N4BP2L1: variants seen among roughly 807,000 people sequenced by gnomAD.
The protein encoded by N4BP2L1 is NEDD4-binding protein 2-like 1.
A neutral mutation model predicts 21.2 loss-of-function variants in N4BP2L1; 12 were observed. The ratio of observed to expected loss-of-function variants is 0.57; its 90% CI spans 0.36 to 0.92. The LOEUF is 0.92. Ranked by LOEUF, N4BP2L1 falls within the 40% of genes least tolerant of loss-of-function variation. N4BP2L1 has a pLI of 0.01. For synonymous variants in N4BP2L1, 104 were observed against 112.8 expected (o/e 0.92, Z 0.49); for missense variants, 259 against 310.6 (o/e 0.83, Z 1.25).
At position 32,403,006 on chromosome 13, in the gene N4BP2L1, GC is replaced by G. The variant is rs1188337721; in HGVS notation, c.667del (p.Ala223ProfsTer33). ...GCTCTCATTTGTAAATCCACCGTGG[GC>G]CCTCCGGTTTGGAAACTCTGTGTAG... is the stretch of plus-strand genomic sequence containing the variant. ...NSYTEFPNRRAHGGFTNESSY... is the reference protein window; with the variant it reads ...NSYTEFPNRRXHGGFTNESSY... On this transcript the variant is annotated frameshift_variant, in exon 5 of 5. Transcript: ENST00000380130. LOFTEE classifies it high-confidence loss of function. 2 of 1,613,994 alleles carry G rather than the reference GC, an allele frequency of 1.2e-6. No individual in the cohort carries two copies. The highest frequency in any genetic ancestry group is 1.7e-6 in the Non-Finnish European group (2 of 1,180,016).
intron 1 of N4BP2L1, among the ~76,000 whole-genome samples, chr13:32,424,096 T>G (rs1232729561): frequency 6.6e-6 from 1 of 152,136 alleles, no homozygotes; most frequent in Non-Finnish European, 1.5e-5. Flanking sequence ...AATGAAAGGG[T>G]CTTGGCATTA....
In N4BP2L1 at chr13:32,403,123, CTG is replaced by C. The variant is rs1566276589; in HGVS notation, c.549_550del (p.His183GlnfsTer19). On this transcript the variant is annotated frameshift_variant, in exon 5 of 5. Transcript: ENST00000380130. LOFTEE classifies it low-confidence loss of function (END_TRUNC). The stretch of plus-strand genomic sequence containing the variant: ...GCTTGGCTTTTCTGCATGAAGCACA[CTG>C]TGAAAAGTAACATCGTGTTCATACC... The C allele has an allele frequency of 1.2e-6, 2 of 1,614,106 alleles. No individual in the cohort carries two copies. The highest frequency in any genetic ancestry group is 1.7e-6 in the Non-Finnish European group (2 of 1,180,014).
rs530663711 is a variant in N4BP2L1, at chr13:32,409,641, G to GA, written c.180-1870dup. On this transcript the variant is annotated intron_variant, in intron 1 of 4. Transcript: ENST00000380130. ...GGCACAGCCAGCGCAGCGCACAGAG[G>GA]AAAAAGCTGGCCCAGCAAAGCGCTG... Among the ~76,000 whole-genome samples, 21 of 152,302 alleles carry GA rather than the reference G, an allele frequency of 1.4e-4. 1 individual carries two copies. The highest frequency in any genetic ancestry group is 2.9e-4 in the Non-Finnish European group (20 of 68,016).
intron 1 of N4BP2L1, among the ~76,000 whole-genome samples, chr13:32,424,440 C>A (rs1164084857): frequency 6.6e-6 from 1 of 152,264 alleles, no homozygotes; most frequent in South Asian, 2.1e-4. Context: ...CCACTCCCCA[C>A]TGGCCCTTAC....
At position 32,402,507 on chromosome 13, in the gene N4BP2L1, A is replaced by T. The variant is rs1156805525; in HGVS notation, c.*435T>A. The T allele has an allele frequency of 1.1e-5, 3 of 280,668 alleles. No homozygotes were observed. The highest frequency in any genetic ancestry group is 1.3e-5 in the Non-Finnish European group (3 of 236,858). The allele number at this position is 280,668 out of a possible 1,614,324, so 17.4% of individuals were successfully genotyped here. On this transcript the variant is annotated 3_prime_UTR_variant, in exon 5 of 5. Coordinates refer to ENST00000380130, the MANE Select transcript of N4BP2L1 (RefSeq NM_052818.3). Reference sequence around the variant, plus strand: ...TTATCAAAGTAGCAATGGCACTTTGATAAGTAGCAATGCCCCCCCACCACT... The same window carrying T: ...TTATCAAAGTAGCAATGGCACTTTGTTAAGTAGCAATGCCCCCCCACCACT...
At chr13:32,428,339 C>A (rs2074915232), upstream of N4BP2L1, 1 of 336,360 alleles carries the variant, frequency 3.0e-6, no homozygotes. Flanking sequence ...ACCCCCGCTC[C>A]GCCTCCTGGT....
rs116044563 is a variant in N4BP2L1, at chr13:32,423,967, G to A, written c.179+3937C>T. On this transcript the variant is annotated intron_variant, in intron 1 of 4. Transcript: ENST00000380130. ...CGGAAGGCATTTTAACACACACAGT[G>A]GAAAGCACAGAGGTTCACCCATGGA... 6.7e-3 allele frequency among the ~76,000 whole-genome samples: 1,021 copies of A among 152,326 alleles called. 9 individuals are homozygous for A. The highest frequency in any genetic ancestry group is 0.023 in the African/African-American group (972 of 41,564).
chr13:32,417,717 A>G (rs2074230762), intron 1 of N4BP2L1, among the ~76,000 whole-genome samples: 1 of 152,174 alleles, frequency 6.6e-6, no homozygotes, highest in Non-Finnish European at 1.5e-5. Flanking sequence ...GGAACTTCCT[A>G]GAGATTTGTT....
At position 32,402,924 on chromosome 13, in the gene N4BP2L1, T is replaced by G. The variant is rs1311617161; in HGVS notation, c.*18A>C. On this transcript the variant is annotated 3_prime_UTR_variant, in exon 5 of 5. Coordinates refer to ENST00000380130, the MANE Select transcript of N4BP2L1 (RefSeq NM_052818.3). ...GAAACTGACTTAGGAAAATTCTGCC[T>G]GGCTGTAAGATAGGCCTCTAATATC... The G allele has an allele frequency of 1.2e-5, 18 of 1,533,470 alleles. No individual in the cohort carries two copies. Among genetic ancestry groups the G allele is most frequent in the Non-Finnish European group, 1.6e-5 (18 of 1,138,742 alleles). The allele number at this position is 1,533,470 out of a possible 1,614,324, so 95.0% of individuals were successfully genotyped here. A position where few individuals can be genotyped will look rare whatever the true frequency, so the allele number is the denominator to read the frequency against.
chr13:32,403,025 CTG>C lies in N4BP2L1; in HGVS notation c.647_648del (p.Thr216ArgfsTer14). On this transcript the variant is annotated frameshift_variant, in exon 5 of 5. Transcript: ENST00000380130. LOFTEE classifies it low-confidence loss of function (END_TRUNC). ...SNNARYWNSY[T>X]EFPNRRAHGG... ...CCGTGGGCCCTCCGGTTTGGAAACTCTGTGTAGGAATTCCAGTATCTGGCATT... is the reference window on the plus strand; with the variant it reads ...CCGTGGGCCCTCCGGTTTGGAAACTCTGTAGGAATTCCAGTATCTGGCATT... 2 of 1,614,136 alleles carry C rather than the reference CTG, an allele frequency of 1.2e-6. No homozygotes were observed. The highest frequency in any genetic ancestry group is 1.7e-6 in the Non-Finnish European group (2 of 1,180,026).
At chr13:32,426,324 T>C (rs555052762) in intron 1 of N4BP2L1, among the ~76,000 whole-genome samples, 2 of 152,308 alleles carry the variant, frequency 1.3e-5, no homozygotes, top group South Asian at 4.1e-4. Flanking sequence ...CAGAAGATAC[T>C]TGGTTGGTAA....
chr13:32,403,165 T>C lies in N4BP2L1; in HGVS notation c.509A>G (p.His170Arg), dbSNP rs2137707387. The C allele has an allele frequency of 1.2e-6, 2 of 1,609,604 alleles. No homozygotes were observed. Among genetic ancestry groups the C allele is most frequent in the South Asian group, 1.1e-5 (1 of 90,254 alleles). Residue 170 changes from histidine to arginine, a missense_variant, in exon 5 of 5, where the codon CAC becomes CGC. Physicochemically the swap from His to Arg is conservative, Grantham distance 29. This residue lies in a region of N4BP2L1 where 108 missense variants were observed against 107.8 expected (regional missense o/e 1.00). Transcript: ENST00000380130. ...NIHGVSREKI[H>R]RMKERYEHDV... ...GTGTTCATACCGTTCTTTCATTCGG[T>C]GGATTTTTTCTCTTGAGACACCATG...
chr13:32,425,062 G>A (rs913845776), intron 1 of N4BP2L1: 6 of 152,140 alleles, frequency 3.9e-5, no homozygotes, highest in Admixed American at 6.5e-5. Context: ...ATACATATTC[G>A]TTATAGAAAA....
chr13:32,428,162 C>G (rs1246757193), upstream of N4BP2L1: 1 of 1,342,190 alleles, frequency 7.5e-7, no homozygotes, highest in Non-Finnish European at 9.7e-7. Flanking sequence ...GTTTTTGTGA[C>G]TCTCCGGCCA....
At position 32,402,520 on chromosome 13, in the gene N4BP2L1, C is replaced by G. The variant is rs1401600651; in HGVS notation, c.*422G>C. ...AATGGCACTTTGATAAGTAGCAATG[C>G]CCCCCCACCACTTCTCTCCACCTTC... On this transcript the variant is annotated 3_prime_UTR_variant, in exon 5 of 5. Coordinates refer to ENST00000380130, the MANE Select transcript of N4BP2L1 (RefSeq NM_052818.3). The G allele has an allele frequency of 5.6e-5, 16 of 286,146 alleles. No individual in the cohort carries two copies. The highest frequency in any genetic ancestry group is 6.4e-5 in the Non-Finnish European group (15 of 234,474). 17.7% of individuals were successfully genotyped at this position (286,146 alleles called of 1,614,324 possible). A position where few individuals can be genotyped will look rare whatever the true frequency, so the allele number is the denominator to read the frequency against.
rs1293913251 is a variant in N4BP2L1, at chr13:32,401,514, T to TA, written c.*1427dup. 6.6e-6 allele frequency: 1 copy of TA among 152,226 alleles called. No homozygotes were observed. Among genetic ancestry groups the TA allele is most frequent in the Non-Finnish European group, 1.5e-5 (1 of 68,036 alleles). 9.4% of individuals were successfully genotyped at this position (152,226 alleles called of 1,614,324 possible). ...TCGAGCAGGTTTCAGTAGTGTCAGA[T>TA]AACGTTAAAACAGTCTCATGTACAC... On this transcript the variant is annotated 3_prime_UTR_variant, in exon 5 of 5. Coordinates refer to ENST00000380130, the MANE Select transcript of N4BP2L1 (RefSeq NM_052818.3).
rs1345819005 is a variant in N4BP2L1, at chr13:32,401,710, AAG to A, written c.*1230_*1231del. On this transcript the variant is annotated 3_prime_UTR_variant, in exon 5 of 5. Coordinates refer to ENST00000380130, the MANE Select transcript of N4BP2L1 (RefSeq NM_052818.3). ...AATTTTTTTATTGTTGAACCAAAAAAAGATCCAATGACAAATCCATATAAATG... is the reference window on the plus strand; with the variant it reads ...AATTTTTTTATTGTTGAACCAAAAAAATCCAATGACAAATCCATATAAATG... The A allele has an allele frequency of 6.2e-6, 1 of 162,322 alleles. No individual in the cohort carries two copies. The highest frequency in any genetic ancestry group is 2.4e-5 in the African/African-American group (1 of 41,614). 10.1% of individuals were successfully genotyped at this position (162,322 alleles called of 1,614,324 possible). A position where few individuals can be genotyped will look rare whatever the true frequency, so the allele number is the denominator to read the frequency against.
intron 1 of N4BP2L1, among the ~76,000 whole-genome samples, 183 bp downstream of exon 1, chr13:32,427,721 G>A (rs552440827): frequency 6.6e-6 from 1 of 151,990 alleles, no homozygotes; most frequent in African/African-American, 2.4e-5. Flanking sequence ...GGTCGAGGGA[G>A]GCGGCTCGGG....
Position 32,405,080 on chromosome 13 carries a change from AG to A in N4BP2L1, c.397-684del, listed in dbSNP as rs1476589942. Among the ~76,000 whole-genome samples, 4 of 152,198 alleles carry A rather than the reference AG, an allele frequency of 2.6e-5. No homozygotes were observed. The East Asian group carries it at 7.7e-4, about 29-fold the overall frequency. ...ATAGAGTGGAAAGAGCTAAGCAAAA[AG>A]GTTTCCTTTTCATTCTTGAGATGGG... On this transcript the variant is annotated intron_variant, in intron 3 of 4. Transcript: ENST00000380130.
Sources: gnomAD v4.1 joint callset for allele counts (sites outside exome capture counted in the v4.1 genomes callset) on GRCh38, gnomAD v4.1.1 for gene constraint, gnomAD v4.1.1 regional missense constraint, MANE v1.5 for transcripts, NCBI Gene and HGNC (gene_info 2026-07-23, HGNC 2026-07-21) for gene names.